Variants in GFRA2 observed in about 807,000 individuals in gnomAD.
GFRA2 encodes GDNF family receptor alpha-2.
GFRA2 carries 17 observed loss-of-function variants against 48.3 expected under a neutral mutation model. The ratio of observed to expected loss-of-function variants is 0.35; its 90% CI spans 0.24 to 0.53. The LOEUF is 0.53. Among genes scored for constraint, GFRA2 ranks in the 20% least tolerant of loss-of-function variants. The pLI, the probability that GFRA2 is intolerant of heterozygous loss-of-function variation, is 0.93. For synonymous variants in GFRA2, 305 were observed against 257.2 expected, an observed-to-expected ratio of 1.19 and a Z score of -1.78; for missense variants, 660 against 637.3, an observed-to-expected ratio of 1.04 and a Z score of -0.38.
At chr8:21,734,938 C>A (rs901867832) in intron 4 of GFRA2, among the ~76,000 whole-genome samples, 3 of 152,234 alleles carry the variant, frequency 2.0e-5, no homozygotes, top group Non-Finnish European at 4.4e-5. Context: ...CATCCCTCTG[C>A]TCACTGAGAA....
At chr8:21,806,654 A>T (rs1053708897) in intron 1 of GFRA2, among the ~76,000 whole-genome samples, 1 of 152,094 alleles carries the variant, frequency 6.6e-6, no homozygotes, top group Admixed American at 6.6e-5. Context: ...TTTTGTAGAG[A>T]TGGGGTCTTG....
At chr8:21,751,139 A>G (rs1347834460) in intron 3 of GFRA2, among the ~76,000 whole-genome samples, 197 bp from the exon 4 acceptor site, 1 of 152,122 alleles carries the variant, frequency 6.6e-6, no homozygotes, top group Non-Finnish European at 1.5e-5. Context: ...TAAAGGAGTT[A>G]ATATACAGGT....
rs376226033 is a variant in GFRA2 at position 21,782,682 on chromosome 8, C to G, written c.258G>C (p.Gln86His). 1.3e-6 allele frequency: 2 copies of G among 1,590,344 alleles called. No homozygotes were observed. Among genetic ancestry groups the G allele is most frequent in the East Asian group, 4.6e-5 (2 of 43,372 alleles). ...AGCGGCAGTCGTACAGCGGGCTCTC[C>G]TGCAAGACCTCCAAGGCCGCCTGGC... Reference protein sequence around the residue: ...KECQAALEVLQESPLYDCRCK... With the variant: ...KECQAALEVLHESPLYDCRCK... Residue 86 changes from glutamine to histidine, a missense_variant, in exon 2 of 9, where the codon CAG becomes CAC. Transcript: ENST00000524240.
intron 2 of GFRA2, among the ~76,000 whole-genome samples, chr8:21,802,305 G>T (rs1282796389): frequency 1.3e-5 from 2 of 152,174 alleles, no homozygotes; most frequent in Non-Finnish European, 2.9e-5. Context: ...CAGCCTTAAA[G>T]CACCTACTAT....
At chr8:21,736,106 G>A (rs1164232639) in intron 4 of GFRA2, among the ~76,000 whole-genome samples, 3 of 152,214 alleles carry the variant, frequency 2.0e-5, no homozygotes, top group Non-Finnish European at 2.9e-5. Flanking sequence ...TACTGCCTGC[G>A]CATACCCTTC....
intron 4 of GFRA2, among the ~76,000 whole-genome samples, chr8:21,741,932 A>G (rs28503905): frequency 1.8e-3 from 262 of 148,836 alleles, no homozygotes; most frequent in African/African-American, 6.1e-3. Flanking sequence ...AAAAAAAAAA[A>G]AAAGAAAGAA....
At chr8:21,758,817 C>T (rs1442150051) in intron 3 of GFRA2, among the ~76,000 whole-genome samples, 1 of 152,090 alleles carries the variant, frequency 6.6e-6, no homozygotes, top group South Asian at 2.1e-4. Context: ...AGCCACAGGT[C>T]CACCGTGGCA....
At chr8:21,747,717 C>T (rs1241999982) in intron 4 of GFRA2, among the ~76,000 whole-genome samples, 1 of 150,546 alleles carries the variant, frequency 6.6e-6, no homozygotes, top group African/African-American at 2.4e-5. Flanking sequence ...TCTACTTCTG[C>T]CTCCCTGCCA....
chr8:21,751,108 T>A (rs904086190), intron 3 of GFRA2, among the ~76,000 whole-genome samples, 166 bp from the exon 4 acceptor site: 2 of 152,080 alleles, frequency 1.3e-5, no homozygotes, highest in Admixed American at 1.3e-4. Context: ...AGGACCTACC[T>A]CCTAAAGCTG....
At chr8:21,800,577 C>G (rs1807751875) in intron 2 of GFRA2, among the ~76,000 whole-genome samples, 1 of 152,204 alleles carries the variant, frequency 6.6e-6, no homozygotes, top group East Asian at 1.9e-4. Context: ...AACTGAGAAG[C>G]CCTCTATCCT....
intron 8 of GFRA2, among the ~76,000 whole-genome samples, chr8:21,693,855 T>G (rs1161314034): frequency 3.6e-4 from 1 of 2,792 alleles, no homozygotes; most frequent in Non-Finnish European, 9.1e-4. Context: ...TGTTTCTCAA[T>G]TTCTTCCAAT....
rs992966101 is a variant in GFRA2 at position 21,702,927 on chromosome 8, T to C, written c.1096A>G (p.Lys366Glu). The C allele has an allele frequency of 2.1e-5, 33 of 1,580,666 alleles. No individual in the cohort carries two copies. The highest frequency in any genetic ancestry group is 2.6e-5 in the Non-Finnish European group (30 of 1,166,574). ...TGGGTGGCCTGGAACGAGGGGCCTT[T>C]TGGGGACACGTTCACGTCCGTGCCG... Reference protein sequence around the residue: ...GNGTDVNVSPKGPSFQATQAP... With the variant: ...GNGTDVNVSPEGPSFQATQAP... Residue 366 changes from lysine (K) to glutamate (E), a missense_variant, in exon 7 of 9, where the codon AAA becomes GAA. Physicochemically the swap from Lys to Glu is moderately conservative, Grantham distance 56 (BLOSUM62 1). Coordinates refer to ENST00000524240, the MANE Select transcript of GFRA2 (RefSeq NM_001495.5).
chr8:21,771,379 G>A (rs1479265845), intron 3 of GFRA2, among the ~76,000 whole-genome samples: 1 of 152,304 alleles, frequency 6.6e-6, no homozygotes, highest in South Asian at 2.1e-4. Context: ...CATAGAAGGG[G>A]AGGGAAGGAT....
intron 4 of GFRA2, among the ~76,000 whole-genome samples, chr8:21,736,241 C>G (rs1804457846): frequency 6.6e-6 from 1 of 152,064 alleles, no homozygotes; most frequent in Non-Finnish European, 1.5e-5. Context: ...TCCACAGGGA[C>G]ACACACCCAT....
rs201586446 is a variant in GFRA2 at position 21,799,318 on chromosome 8, C to T, written c.-36+5699G>A. ...CTGTAAGCTCCGCCTCCTGGGTTCACGCCATTCTCCTGTCTCAGCCTCCTG... is the reference window on the plus strand; with the variant it reads ...CTGTAAGCTCCGCCTCCTGGGTTCATGCCATTCTCCTGTCTCAGCCTCCTG... On this transcript the variant is annotated intron_variant, in intron 2 of 10. Coordinates refer to the GFRA2 transcript ENST00000517328. Among the ~76,000 whole-genome samples the T allele has an allele frequency of 5.0e-3, 754 of 151,754 alleles. 37 individuals carry two copies. The South Asian group carries it at 0.11, about 23-fold the overall frequency.
chr8:21,727,872 T>A (rs62492251), intron 4 of GFRA2, among the ~76,000 whole-genome samples: 18,237 of 152,034 alleles, frequency 0.12, 1,130 homozygotes, highest in South Asian at 0.19. Context: ...GTTATTTTCG[T>A]AGTAAAAATG....
At chr8:21,708,871 A>G (rs78429433) in intron 4 of GFRA2, among the ~76,000 whole-genome samples, 6,545 of 152,326 alleles carry the variant, frequency 0.043, 427 homozygotes, top group African/African-American at 0.14. Flanking sequence ...CAGAACAGTG[A>G]AAGAATAAAC....
upstream of GFRA2, among the ~76,000 whole-genome samples, chr8:21,790,768 C>A (rs1807555829): frequency 1.3e-5 from 2 of 152,214 alleles, no homozygotes; most frequent in Admixed American, 1.3e-4. Context: ...TGTCATTCCT[C>A]CAAGCCTCTC....
At chr8:21,736,238 G>A (rs1180653175) in intron 4 of GFRA2, among the ~76,000 whole-genome samples, 2 of 151,994 alleles carry the variant, frequency 1.3e-5, no homozygotes, top group South Asian at 2.1e-4. Flanking sequence ...GCATCCACAG[G>A]GACACACACC....
Sources: gnomAD v4.1 joint callset for allele counts (sites outside exome capture counted in the v4.1 genomes callset) on GRCh38, gnomAD v4.1.1 for gene constraint, MANE v1.5 for transcripts, NCBI Gene and HGNC (gene_info 2026-07-23, HGNC 2026-07-21) for gene names.